Variants in CELF2 observed in about 807,000 individuals in gnomAD.
CELF2 encodes CUGBP Elav-like family member 2.
A neutral mutation model predicts 62.6 loss-of-function variants in CELF2; 8 were observed. The observed-to-expected ratio is 0.13, with a 90% CI of 0.07 to 0.23. The LOEUF is 0.23. Ranked by LOEUF, CELF2 falls within the 10% of genes least tolerant of loss-of-function variation. The pLI is 1.00. For missense variants in CELF2, 333 were observed against 671.0 expected (o/e 0.50, Z 5.56); for synonymous variants, 258 against 250.0 (o/e 1.03, Z -0.30).
At chr10:10,506,853 C>T in the CELF2 span, among the ~76,000 whole-genome samples, 11 of 151,516 alleles carry the variant, frequency 7.3e-5, no homozygotes, top group African/African-American at 2.2e-4. Context: ...TCAGTAAAGA[C>T]GGGGATTCCC....
At chr10:10,872,250 C>T (rs1286487758) in intron 1 of CELF2, among the ~76,000 whole-genome samples, 6 of 152,154 alleles carry the variant, frequency 3.9e-5, no homozygotes, top group Non-Finnish European at 7.3e-5. Flanking sequence ...AAGTTGGTTA[C>T]GTTTTGGAAA....
intron 2 of CELF2, among the ~76,000 whole-genome samples, chr10:11,192,565 C>A (rs927694310): frequency 4.6e-5 from 7 of 152,242 alleles, no homozygotes; most frequent in Non-Finnish European, 7.3e-5. Context: ...CTCCCCATAA[C>A]AGCTGTCCCC....
chr10:10,912,438 C>T (rs558351314), intron 1 of CELF2, among the ~76,000 whole-genome samples: 84 of 152,236 alleles, frequency 5.5e-4, no homozygotes, highest in South Asian at 4.6e-3. Context: ...AGCGCGATCT[C>T]GGCTCACTGC....
intron 1 of CELF2, among the ~76,000 whole-genome samples, chr10:11,162,654 A>T (rs1221325454): frequency 6.6e-6 from 1 of 152,184 alleles, no homozygotes; most frequent in Admixed American, 6.5e-5. Flanking sequence ...TATTTGCTAT[A>T]TAAGTGATGA....
intron 2 of CELF2, chr10:10,923,124 G>T (rs1257933230): frequency 1.3e-5 from 2 of 152,166 alleles, no homozygotes; most frequent in Non-Finnish European, 1.5e-5. Flanking sequence ...GGAAAACAAG[G>T]CACCTGTAGT....
chr10:11,327,827 T>C (rs1436865774), intron 12 of CELF2, among the ~76,000 whole-genome samples: 1 of 152,244 alleles, frequency 6.6e-6, no homozygotes, highest in Non-Finnish European at 1.5e-5. Flanking sequence ...CATGTCCTCT[T>C]CTTCCTCCTC....
chr10:10,945,648 C>G (rs565548436), intron 2 of CELF2, among the ~76,000 whole-genome samples: 1 of 152,134 alleles, frequency 6.6e-6, no homozygotes, highest in South Asian at 2.1e-4. Flanking sequence ...TCAGTGGAGG[C>G]GGCCAGAGCT....
chr10:10,979,668 C>A (rs902341738), intron 2 of CELF2, among the ~76,000 whole-genome samples: 4 of 105,726 alleles, frequency 3.8e-5, no homozygotes, highest in African/African-American at 1.0e-4. Flanking sequence ...CAGACCTTGT[C>A]TCTCAAAAAA....
rs576165760 is a variant in CELF2, at chr10:11,216,912, T to G, written c.272-513T>G. Among the ~76,000 whole-genome samples the G allele has an allele frequency of 3.3e-5, 5 of 152,384 alleles. No individual in the cohort carries two copies. In the East Asian group the frequency reaches 9.6e-4, roughly 29 times the overall value. ...ATTGAGGGTCATATGTACAGAACTT[T>G]ACATCATGTAATGTGGTGGAGATAA... is the stretch of plus-strand genomic sequence containing the variant. On this transcript the variant is annotated intron_variant, in intron 2 of 12. Coordinates refer to ENST00000633077, the MANE Select transcript of CELF2 (RefSeq NM_001326342.2).
At chr10:11,100,241 TA>T (rs2051190600) in intron 1 of CELF2, among the ~76,000 whole-genome samples, 2 of 151,888 alleles carry the variant, frequency 1.3e-5, no homozygotes, top group African/African-American at 4.8e-5. Context: ...AATAAATAAA[TA>T]AAGTTTATAA....
chr10:11,074,035 T>C (rs1269547815), intron 1 of CELF2, among the ~76,000 whole-genome samples: 4 of 152,210 alleles, frequency 2.6e-5, no homozygotes, highest in African/African-American at 9.7e-5. Context: ...GGGTCTGTAG[T>C]TGTTATCAGA....
intron 8 of CELF2, among the ~76,000 whole-genome samples, chr10:11,276,628 C>T (rs1008466412): frequency 1.2e-4 from 18 of 152,178 alleles, no homozygotes; most frequent in African/African-American, 4.3e-4. Context: ...TTGCTTTTCT[C>T]GCATAGTATG....
intron 1 of CELF2, among the ~76,000 whole-genome samples, chr10:10,901,115 T>G (rs2062908730): frequency 6.6e-6 from 1 of 152,188 alleles, no homozygotes; most frequent in South Asian, 2.1e-4. Context: ...CCAAAAGGGA[T>G]CTGTATATTT....
At chr10:11,034,231 A>G (rs1306330920) in intron 1 of CELF2, among the ~76,000 whole-genome samples, 1 of 152,180 alleles carries the variant, frequency 6.6e-6, no homozygotes, top group Non-Finnish European at 1.5e-5. Flanking sequence ...TTTTGGGGCT[A>G]TGTTGGATTA....
chr10:10,634,545 A>G, the CELF2 span, among the ~76,000 whole-genome samples: 1 of 152,238 alleles, frequency 6.6e-6, no homozygotes, highest in Non-Finnish European at 1.5e-5. Context: ...ATTTTGGTGT[A>G]CAGTGCAAAT....
chr10:10,859,506 G>A (rs1383334671), intron 1 of CELF2, among the ~76,000 whole-genome samples: 4 of 152,116 alleles, frequency 2.6e-5, no homozygotes, highest in Admixed American at 1.3e-4. Flanking sequence ...TGAAAAGAGG[G>A]GAGAAGAGAG....
chr10:10,627,616 T>C, the CELF2 span, among the ~76,000 whole-genome samples: 5 of 152,212 alleles, frequency 3.3e-5, no homozygotes, highest in South Asian at 2.1e-4. Context: ...TAGGGGATGG[T>C]GGCTCTTGGG....
At chr10:11,277,894 A>G (rs895306706) in intron 8 of CELF2, among the ~76,000 whole-genome samples, 1 of 152,236 alleles carries the variant, frequency 6.6e-6, no homozygotes, top group Admixed American at 6.5e-5. Flanking sequence ...TTTCTGTATT[A>G]CATTGACAGA....
chr10:10,572,495 C>G, the CELF2 span, among the ~76,000 whole-genome samples: 2 of 152,022 alleles, frequency 1.3e-5, no homozygotes, highest in Non-Finnish European at 2.9e-5. Flanking sequence ...TTCCCTAATG[C>G]TCTCCCTCCC....
Sources: gnomAD v4.1 joint callset for allele counts (sites outside exome capture counted in the v4.1 genomes callset) on GRCh38, gnomAD v4.1.1 for gene constraint, MANE v1.5 for transcripts, NCBI Gene and HGNC (gene_info 2026-07-23, HGNC 2026-07-21) for gene names.